AREL1: variants seen among roughly 807,000 people sequenced by gnomAD.
The protein encoded by AREL1 is apoptosis resistant E3 ubiquitin protein ligase 1.
A neutral mutation model predicts 99.0 loss-of-function variants in AREL1; 62 were observed. That is an observed-to-expected ratio of 0.63 (90% CI 0.51 to 0.77). The LOEUF (loss-of-function observed/expected upper bound fraction) is 0.77. Among genes scored for constraint, AREL1 ranks in the 30% least tolerant of loss-of-function variants. The probability of loss-of-function intolerance (pLI) is 0.00; values close to 1 mark genes in which losing one functional copy is unlikely to be tolerated. For synonymous variants in AREL1, 380 were observed against 376.5 expected (o/e 1.01, Z -0.11); for missense variants, 879 against 1,027.6 (o/e 0.86, Z 1.98).
intron 8 of AREL1, 134 bp downstream of exon 8, chr14:74,675,565 A>T (rs767164262): frequency 2.3e-5 from 29 of 1,264,598 alleles, no homozygotes; most frequent in Non-Finnish European, 3.1e-5. Flanking sequence ...TAACAGTTGA[A>T]AGTGGCTTTC....
intron 3 of AREL1, 138 bp from the exon 4 acceptor site, chr14:74,684,818 G>C: frequency 1.4e-6 from 1 of 716,776 alleles, no homozygotes; most frequent in South Asian, 1.8e-5. Flanking sequence ...CACTGCACTG[G>C]GCACTACCTC....
chr14:74,665,171 G>T lies in AREL1; in HGVS notation c.2104-246C>A, dbSNP rs571392871. On this transcript the variant is annotated intron_variant, in intron 17 of 19. Coordinates refer to ENST00000356357, the MANE Select transcript of AREL1 (RefSeq NM_001039479.2). Reference sequence around the variant, plus strand: ...TTTTAAAATATATATTTATACAAGTGTTGGTGGCCCTACCTGGGACCTCTA... The same window carrying T: ...TTTTAAAATATATATTTATACAAGTTTTGGTGGCCCTACCTGGGACCTCTA... 5.9e-5 allele frequency among the ~76,000 whole-genome samples: 9 copies of T among 152,072 alleles called. No individual in the cohort carries two copies. In the East Asian group the frequency reaches 1.7e-3, roughly 29 times the overall value.
rs1308518827 is a variant in AREL1 at position 74,692,273 on chromosome 14, CCTGGACTTCTCT to C, written c.-290_-279del. On this transcript the variant is annotated 5_prime_UTR_variant, in exon 2 of 20. Coordinates refer to ENST00000356357, the MANE Select transcript of AREL1 (RefSeq NM_001039479.2). ...AAATACAGCCCAAGAATATATCATT[CCTGGACTTCTCT>C]CTAGTGCAGGGTGCAATCGACTGCC... The C allele has an allele frequency of 2.2e-6, 1 of 456,566 alleles. No homozygotes were observed. The highest frequency in any genetic ancestry group is 4.4e-6 in the Non-Finnish European group (1 of 226,958). The allele number at this position is 456,566 out of a possible 1,614,324, so 28.3% of individuals were successfully genotyped here.
chr14:74,668,468 A>ATT (rs199862616), intron 15 of AREL1, among the ~76,000 whole-genome samples: 1 of 150,276 alleles, frequency 6.7e-6, no homozygotes, highest in East Asian at 1.9e-4. Context: ...ACAATCCTGG[A>ATT]TTTTTTTTTT....
intron 1 of AREL1, among the ~76,000 whole-genome samples, chr14:74,694,990 GAAAAAAAAA>G (rs548884827): frequency 1.2e-5 from 1 of 82,838 alleles, no homozygotes; most frequent in Admixed American, 1.5e-4. Context: ...CTCTGTCTCG[GAAAAAAAAA>G]AAAAAAAAAA....
At chr14:74,693,299 G>A (rs1416778167) in intron 1 of AREL1, among the ~76,000 whole-genome samples, 1 of 152,158 alleles carries the variant, frequency 6.6e-6, no homozygotes, top group Admixed American at 6.5e-5. Context: ...AAATAAAGTT[G>A]ATTTTATATT....
intron 17 of AREL1, among the ~76,000 whole-genome samples, chr14:74,666,935 G>T (rs1479777117): frequency 6.6e-6 from 1 of 152,020 alleles, no homozygotes; most frequent in Admixed American, 6.6e-5. Context: ...GGCCAGGCTG[G>T]TCTCGAACTC....
chr14:74,684,415 G>A (rs776944706), intron 4 of AREL1, 39 bp downstream of exon 4: 22 of 1,592,898 alleles, frequency 1.4e-5, no homozygotes, highest in Non-Finnish European at 1.8e-5. Context: ...AAGTTACTCA[G>A]AAACCCCAAT....
chr14:74,667,029 C>A (rs1439558043), intron 17 of AREL1, among the ~76,000 whole-genome samples: 3 of 152,118 alleles, frequency 2.0e-5, no homozygotes, highest in African/African-American at 7.2e-5. Flanking sequence ...CTCAGTGATA[C>A]TTGATGAATA....
chr14:74,671,268 G>GAA (rs201169650), intron 12 of AREL1, 140 bp downstream of exon 12: 1 of 491,472 alleles, frequency 2.0e-6, no homozygotes, highest in African/African-American at 2.2e-5. Context: ...TTTCCTTGGG[G>GAA]AAAAAAAAAC....
At chr14:74,712,275 T>A (rs1159645325) in intron 1 of AREL1, among the ~76,000 whole-genome samples, 4 of 152,052 alleles carry the variant, frequency 2.6e-5, no homozygotes, top group Non-Finnish European at 5.9e-5. Context: ...GGGGTTTTCA[T>A]TTAAAGTTTA....
intron 1 of AREL1, among the ~76,000 whole-genome samples, chr14:74,711,257 G>C (rs908483361): frequency 6.8e-6 from 1 of 148,010 alleles, no homozygotes; most frequent in Non-Finnish European, 1.5e-5. Flanking sequence ...AAAAAAATTG[G>C]GGCTTGGCAC....
chr14:74,676,111 G>A, intron 7 of AREL1, 30 bp downstream of exon 7: 1 of 1,601,758 alleles, frequency 6.2e-7, no homozygotes, highest in Non-Finnish European at 8.5e-7. Context: ...CTGAAGAACA[G>A]CACTAAATCA....
chr14:74,702,858 A>T (rs1329991015), intron 1 of AREL1, among the ~76,000 whole-genome samples: 1 of 152,162 alleles, frequency 6.6e-6, no homozygotes, highest in Non-Finnish European at 1.5e-5. Flanking sequence ...GCTAAAGCAT[A>T]ACAAGAGTGA....
chr14:74,688,137 T>C (rs1406634829), intron 2 of AREL1, among the ~76,000 whole-genome samples: 1 of 150,102 alleles, frequency 6.7e-6, no homozygotes, highest in Non-Finnish European at 1.5e-5. Context: ...GCCATTCTCC[T>C]GCCTCAGCCT....
At chr14:74,675,671 A>G in intron 8 of AREL1, 28 bp downstream of exon 8, 1 of 1,604,646 alleles carries the variant, frequency 6.2e-7, no homozygotes. Flanking sequence ...AAGCAGGGGG[A>G]TTTTATGTCG....
At chr14:74,705,632 C>G (rs2090164308) in intron 1 of AREL1, among the ~76,000 whole-genome samples, 1 of 152,188 alleles carries the variant, frequency 6.6e-6, no homozygotes, top group African/African-American at 2.4e-5. Flanking sequence ...TCACTCTAAC[C>G]TGTGATGAGA....
chr14:74,677,780 C>T (rs796962770), intron 5 of AREL1, among the ~76,000 whole-genome samples: 2 of 149,278 alleles, frequency 1.3e-5, no homozygotes, highest in African/African-American at 4.9e-5. Context: ...GAATTACAGG[C>T]GTAAGCCACG....
intron 17 of AREL1, among the ~76,000 whole-genome samples, chr14:74,665,298 C>T (rs2089190898): frequency 6.9e-6 from 1 of 143,890 alleles, no homozygotes; most frequent in Admixed American, 7.2e-5. Context: ...GAGACGGAGT[C>T]TCACTGTCTC....
Sources: gnomAD v4.1 joint callset for allele counts (sites outside exome capture counted in the v4.1 genomes callset) on GRCh38, gnomAD v4.1.1 for gene constraint, MANE v1.5 for transcripts, NCBI Gene and HGNC (gene_info 2026-07-23, HGNC 2026-07-21) for gene names.